MED12L: variants seen among roughly 807,000 people sequenced by gnomAD.
MED12L encodes mediator of RNA polymerase II transcription subunit 12-like protein.
Under a neutral mutation model 281.3 loss-of-function variants are expected in MED12L, and 60 were observed. That is an observed-to-expected ratio of 0.21 (90% confidence interval 0.17 to 0.26). MED12L has a LOEUF of 0.26. MED12L is among the 10% of genes least tolerant of loss of function. The pLI is 1.00. For missense variants in MED12L, 2,146 were observed against 2,680.9 expected (o/e 0.80, Z 4.41); for synonymous variants, 974 against 987.2 (o/e 0.99, Z 0.25).
chr3:151,360,644 T>A (rs756182410), intron 21 of MED12L, 39 bp downstream of exon 21: 18 of 1,565,984 alleles, frequency 1.1e-5, no homozygotes, highest in Non-Finnish European at 1.5e-5. Context: ...AATAGGATCA[T>A]GCCTATGTTT....
At chr3:151,156,691 C>A (rs1719333503) in intron 6 of MED12L, among the ~76,000 whole-genome samples, 1 of 152,168 alleles carries the variant, frequency 6.6e-6, no homozygotes. Context: ...CTCCTTTAGA[C>A]CTAAGTTGTT....
Position 151,416,657 on chromosome 3 carries a change from C to T in MED12L, c.6408+235C>T, listed in dbSNP as rs780767887. Among the ~76,000 whole-genome samples the T allele has an allele frequency of 7.9e-4, 121 of 152,258 alleles. 1 individual carries two copies. The highest frequency in any genetic ancestry group is 1.8e-3 in the Admixed American group (27 of 15,298). ...TATACCATTATTCTTCAAAATTTTT[C>T]GGACTGTTCCACAGACAAAATTTTT... On this transcript the variant is annotated intron_variant, in intron 43 of 44. Transcript: ENST00000687756.
intron 26 of MED12L, among the ~76,000 whole-genome samples, chr3:151,372,313 T>G (rs1037545217): frequency 2.0e-5 from 3 of 152,206 alleles, no homozygotes; most frequent in African/African-American, 7.2e-5. Context: ...TTTCCAAGTT[T>G]GGTGAAACTA....
intron 17 of MED12L, among the ~76,000 whole-genome samples, chr3:151,351,925 C>T (rs1422229168): frequency 6.6e-6 from 1 of 152,178 alleles, no homozygotes; most frequent in East Asian, 1.9e-4. Context: ...AGCATATGAA[C>T]TCACAAAGCG....
intron 5 of MED12L, among the ~76,000 whole-genome samples, chr3:151,143,516 G>A (rs1207295007): frequency 6.6e-6 from 1 of 152,230 alleles, no homozygotes; most frequent in Non-Finnish European, 1.5e-5. Context: ...GTCGTGAAAT[G>A]TCTGATGTAA....
At chr3:151,120,642 T>A (rs1326568549) in intron 3 of MED12L, among the ~76,000 whole-genome samples, 5 of 152,226 alleles carry the variant, frequency 3.3e-5, no homozygotes, top group African/African-American at 1.2e-4. Flanking sequence ...AATAGATGTG[T>A]GTTTACTCAC....
intron 16 of MED12L, chr3:151,338,352 C>T: frequency 1.2e-6 from 2 of 1,614,104 alleles, no homozygotes; most frequent in Non-Finnish European, 1.7e-6. Flanking sequence ...TCTCGGCTGC[C>T]TGTTGGTCAG....
intron 3 of MED12L, among the ~76,000 whole-genome samples, chr3:151,117,889 G>A (rs1433331404): frequency 8.6e-5 from 13 of 151,860 alleles, no homozygotes; most frequent in African/African-American, 2.9e-4. Flanking sequence ...TCAGGAGTTC[G>A]AGACCAGCCT....
At chr3:151,242,682 A>G (rs907600115) in intron 16 of MED12L, among the ~76,000 whole-genome samples, 29 of 152,252 alleles carry the variant, frequency 1.9e-4, no homozygotes, top group African/African-American at 6.3e-4. Context: ...CAGAACAGAA[A>G]AACTGGAAAC....
At chr3:151,221,944 A>C (rs1303643438) in intron 16 of MED12L, among the ~76,000 whole-genome samples, 1 of 152,220 alleles carries the variant, frequency 6.6e-6, no homozygotes, top group African/African-American at 2.4e-5. Flanking sequence ...ACTCAATGCC[A>C]GGAGGGAGGC....
Position 151,409,224 on chromosome 3 carries a change from C to T in MED12L, c.5821-19C>T. ...CCTTGCTGTTATGATCAAGAGTTTG[C>T]TTTGGCTTTGTTTTCCAGGGCCAGC... On this transcript the variant is annotated intron_variant, in intron 39 of 44. Coordinates refer to ENST00000687756, the MANE Select transcript of MED12L (RefSeq NM_001393769.1). 1 of 1,575,324 alleles carries T rather than the reference C, an allele frequency of 6.3e-7. No homozygotes were observed. The highest frequency in any genetic ancestry group is 8.6e-7 in the Non-Finnish European group (1 of 1,165,878).
At chr3:151,210,992 A>G (rs1727073588) in intron 16 of MED12L, among the ~76,000 whole-genome samples, 1 of 152,196 alleles carries the variant, frequency 6.6e-6, no homozygotes, top group African/African-American at 2.4e-5. Context: ...AGGACCTGGC[A>G]AGTGTTCCCT....
In MED12L at chr3:151,355,879, T is replaced by C; in HGVS notation, c.2518-17T>C. On this transcript the variant is annotated splice_polypyrimidine_tract_variant and intron_variant, in intron 18 of 44. Coordinates refer to ENST00000687756, the MANE Select transcript of MED12L (RefSeq NM_001393769.1). ...TAGAATATTGGTCTTACAATATTTT[T>C]GTTTTTATTTGCACAGATTTCTAAC... is the stretch of plus-strand genomic sequence containing the variant. 6.3e-7 allele frequency: 1 copy of C among 1,594,388 alleles called. No homozygotes were observed. The highest frequency in any genetic ancestry group is 8.5e-7 in the Non-Finnish European group (1 of 1,172,644).
intron 16 of MED12L, among the ~76,000 whole-genome samples, chr3:151,261,170 C>T (rs1330672120): frequency 6.6e-6 from 1 of 151,930 alleles, no homozygotes; most frequent in African/African-American, 2.4e-5. Flanking sequence ...TACTGTTCCC[C>T]ATTCTCTTTT....
chr3:151,199,502 A>G, intron 16 of MED12L: 7 of 876,536 alleles, frequency 8.0e-6, no homozygotes, highest in Non-Finnish European at 1.2e-5. Flanking sequence ...TCTTTAAAAG[A>G]CATTGGTCTT....
intron 2 of MED12L, among the ~76,000 whole-genome samples, chr3:151,088,914 A>T (rs1446909057): frequency 6.6e-6 from 1 of 152,098 alleles, no homozygotes; most frequent in Non-Finnish European, 1.5e-5. Context: ...CAAGGCAGCC[A>T]ATGTTTTAAC....
intron 16 of MED12L, among the ~76,000 whole-genome samples, chr3:151,306,651 G>A (rs1172780740): frequency 1.3e-5 from 2 of 152,212 alleles, no homozygotes; most frequent in African/African-American, 2.4e-5. Flanking sequence ...CTTGGCATGG[G>A]TGGGGAGTCA....
At chr3:151,431,544 G>A (rs895463270) in intron 44 of MED12L, among the ~76,000 whole-genome samples, 3 of 151,912 alleles carry the variant, frequency 2.0e-5, no homozygotes, top group Admixed American at 6.6e-5. Context: ...TCTAGCTACT[G>A]TTTACTGTTT....
At chr3:151,161,436 G>A (rs766135617) in intron 8 of MED12L, among the ~76,000 whole-genome samples, 12 of 152,156 alleles carry the variant, frequency 7.9e-5, no homozygotes, top group Admixed American at 1.3e-4. Flanking sequence ...GAGAGAATCC[G>A]TGAACCTGAA....
Sources: allele counts gnomAD v4.1 joint callset (sites outside exome capture counted in the v4.1 genomes callset), GRCh38; gene constraint gnomAD v4.1.1; transcripts MANE v1.5; gene names NCBI Gene and HGNC (gene_info 2026-07-23, HGNC 2026-07-21).